TIAM1: variants seen among roughly 807,000 people sequenced by gnomAD.
TIAM1 encodes rho guanine nucleotide exchange factor TIAM1.
A neutral mutation model predicts 163.5 loss-of-function variants in TIAM1; 65 were observed. That is an observed-to-expected ratio of 0.40 (90% CI 0.33 to 0.49). TIAM1 has a LOEUF of 0.49. TIAM1 is among the 20% of genes least tolerant of loss of function. The pLI is 0.77. For missense variants in TIAM1, 1,789 were observed against 2,044.7 expected (o/e 0.87, Z 2.41); for synonymous variants, 833 against 810.1 (o/e 1.03, Z -0.48).
chr21:31,363,546 C>T (rs866947374), intron 2 of TIAM1, among the ~76,000 whole-genome samples: 5 of 152,052 alleles, frequency 3.3e-5, no homozygotes, highest in Non-Finnish European at 7.3e-5. Context: ...TCTTGTTAGT[C>T]CCTAAGCTTC....
At chr21:31,500,782 C>T (rs182230118) in intron 1 of TIAM1, among the ~76,000 whole-genome samples, 29 of 152,124 alleles carry the variant, frequency 1.9e-4, no homozygotes, top group Admixed American at 3.9e-4. Flanking sequence ...GACGGTCCCA[C>T]GGAGCCGTCA....
chr21:31,424,815 C>T (rs2043724964), intron 2 of TIAM1, among the ~76,000 whole-genome samples: 1 of 152,160 alleles, frequency 6.6e-6, no homozygotes, highest in African/African-American at 2.4e-5. Context: ...CTTTTGGAGG[C>T]CAAGGCAGGC....
At position 31,409,691 on chromosome 21, in the gene TIAM1, C is replaced by T. The variant is rs543847280; in HGVS notation, c.-369+54292G>A. Among the ~76,000 whole-genome samples the T allele has an allele frequency of 5.5e-4, 79 of 142,822 alleles. No individual in the cohort carries two copies. The South Asian group carries it at 0.014, about 25-fold the overall frequency. 93.7% of individuals were successfully genotyped at this position (142,822 alleles called of 152,430 possible). ...TTGTCCCCCAAGTTCTGCAAATACA[C>T]CTCTGCCCCTCTCCATCTCTCCTCC... On this transcript the variant is annotated intron_variant, in intron 2 of 28. Transcript: ENST00000286827.
chr21:31,452,628 ATC>A (rs2044909830), intron 2 of TIAM1: 1 of 498,228 alleles, frequency 2.0e-6, no homozygotes, highest in Admixed American at 2.9e-5. Flanking sequence ...TAAAAGACTT[ATC>A]CATAATATTT....
At chr21:31,237,246 A>G (rs1479354626) in intron 6 of TIAM1, among the ~76,000 whole-genome samples, 9 of 152,156 alleles carry the variant, frequency 5.9e-5, no homozygotes, top group Admixed American at 2.0e-4. Context: ...CTCTTCTACC[A>G]CAAGTCCACT....
At chr21:31,353,942 G>A (rs145884644) in intron 2 of TIAM1, among the ~76,000 whole-genome samples, 13 of 139,824 alleles carry the variant, frequency 9.3e-5, no homozygotes, top group Admixed American at 7.6e-5. Context: ...GGGTTCAAGC[G>A]ATTCTGTGTC....
chr21:31,419,825 T>C (rs1471191787), intron 2 of TIAM1, among the ~76,000 whole-genome samples: 1 of 151,970 alleles, frequency 6.6e-6, no homozygotes, highest in East Asian at 1.9e-4. Context: ...TCAAGGCGGG[T>C]GGATCACCTG....
intron 1 of TIAM1, among the ~76,000 whole-genome samples, chr21:31,553,324 A>G (rs2048757712): frequency 6.6e-6 from 1 of 152,186 alleles, no homozygotes; most frequent in Non-Finnish European, 1.5e-5. Context: ...CCTCCAAATT[A>G]TCACTTTCCA....
chr21:31,501,637 C>G (rs1189069435), intron 1 of TIAM1, among the ~76,000 whole-genome samples: 1 of 152,090 alleles, frequency 6.6e-6, no homozygotes, highest in Non-Finnish European at 1.5e-5. Context: ...GGGTCTCGCT[C>G]TGTTGCCCAG....
chr21:31,547,812 C>G (rs900767141), intron 1 of TIAM1, among the ~76,000 whole-genome samples: 8 of 152,112 alleles, frequency 5.3e-5, no homozygotes, highest in African/African-American at 1.9e-4. Context: ...GTAATAATCA[C>G]CCAGCAATAT....
In TIAM1 at chr21:31,130,208, T is replaced by C. The variant is rs1463804430; in HGVS notation, c.4045+5A>G. The stretch of plus-strand genomic sequence containing the variant: ...GTGAAATACCCAGCACAGGTGAGAG[T>C]TTACCTGCACTCGCCAAAGCTCGAA... On this transcript the variant is annotated splice_donor_5th_base_variant and intron_variant, in intron 25 of 27. Coordinates refer to ENST00000541036, the MANE Select transcript of TIAM1 (RefSeq NM_001353694.2). 6 of 1,612,548 alleles carry C rather than the reference T, an allele frequency of 3.7e-6. No individual in the cohort carries two copies. The highest frequency in any genetic ancestry group is 5.1e-6 in the Non-Finnish European group (6 of 1,179,238).
intron 5 of TIAM1, among the ~76,000 whole-genome samples, chr21:31,249,301 A>G (rs1416639039): frequency 1.3e-5 from 2 of 152,228 alleles, no homozygotes; most frequent in Admixed American, 1.3e-4. Context: ...CTCCAAGTCA[A>G]GGAGAGCAGT....
intron 22 of TIAM1, among the ~76,000 whole-genome samples, chr21:31,139,904 G>A (rs2082769607): frequency 6.6e-6 from 1 of 152,136 alleles, no homozygotes; most frequent in South Asian, 2.1e-4. Flanking sequence ...ATTCTGTCCA[G>A]TCTGATACTG....
intron 8 of TIAM1, among the ~76,000 whole-genome samples, chr21:31,221,428 C>T (rs1456358857): frequency 6.6e-6 from 1 of 152,226 alleles, no homozygotes; most frequent in Non-Finnish European, 1.5e-5. Flanking sequence ...GAGTAACTAA[C>T]TCTCCCATCC....
At chr21:31,366,539 T>C (rs575759329) in intron 2 of TIAM1, among the ~76,000 whole-genome samples, 5 of 152,322 alleles carry the variant, frequency 3.3e-5, no homozygotes, top group Admixed American at 2.0e-4. Context: ...TGGTGAGCAC[T>C]ATGTAGCCAT....
intron 2 of TIAM1, among the ~76,000 whole-genome samples, chr21:31,330,602 C>T (rs1178742522): frequency 6.6e-6 from 1 of 152,102 alleles, no homozygotes; most frequent in East Asian, 1.9e-4. Flanking sequence ...CCACGCCTGG[C>T]TAATTTTTGT....
chr21:31,496,417 C>A (rs1315113861), intron 1 of TIAM1, among the ~76,000 whole-genome samples: 2 of 78,294 alleles, frequency 2.6e-5, no homozygotes, highest in Non-Finnish European at 5.0e-5. Flanking sequence ...TTGCAGTGAG[C>A]CAAGATTGCA....
At chr21:31,489,571 A>ACC (rs111846555) in intron 1 of TIAM1, among the ~76,000 whole-genome samples, 3 of 142,052 alleles carry the variant, frequency 2.1e-5, no homozygotes, top group Non-Finnish European at 3.1e-5. Flanking sequence ...AAAAGTGCAG[A>ACC]CCCCCCCCCC....
intron 2 of TIAM1, chr21:31,452,945 C>T: frequency 1.9e-6 from 1 of 515,558 alleles, no homozygotes; most frequent in East Asian, 5.5e-5. Flanking sequence ...AAGATGCGTT[C>T]TACAAAGGTG....
Sources: allele counts gnomAD v4.1 joint callset (sites outside exome capture counted in the v4.1 genomes callset), GRCh38; gene constraint gnomAD v4.1.1; transcripts MANE v1.5; gene names NCBI Gene and HGNC (gene_info 2026-07-23, HGNC 2026-07-21).